The following CTNNA2 variants were observed in gnomAD, a reference collection of about 807,000 sequenced individuals.
CTNNA2 encodes catenin alpha-2.
CTNNA2 carries 42 observed loss-of-function variants against 101.0 expected under a neutral mutation model. The ratio of observed to expected loss-of-function variants is 0.42; its 90% CI spans 0.32 to 0.54. The LOEUF is 0.54. Ranked by LOEUF, CTNNA2 falls within the 20% of genes least tolerant of loss-of-function variation. CTNNA2 has a pLI of 0.14. For synonymous variants in CTNNA2, 450 were observed against 456.4 expected, an observed-to-expected ratio of 0.99 and a Z score of 0.18; for missense variants, 871 against 1,223.1, an observed-to-expected ratio of 0.71 and a Z score of 4.29.
chr2:79,971,255 T>C (rs1442055567), intron 7 of CTNNA2, among the ~76,000 whole-genome samples: 2 of 152,152 alleles, frequency 1.3e-5, no homozygotes, highest in Non-Finnish European at 2.9e-5. Context: ...CACCTTCCAC[T>C]CAAAAATATA....
chr2:79,680,492 T>A (rs1388583336), intron 2 of CTNNA2, among the ~76,000 whole-genome samples: 2 of 152,088 alleles, frequency 1.3e-5, no homozygotes, highest in Non-Finnish European at 2.9e-5. Flanking sequence ...AAGAAAACAT[T>A]GAGTGTATAT....
chr2:80,306,729 G>A (rs943553380), intron 7 of CTNNA2, among the ~76,000 whole-genome samples: 1 of 151,946 alleles, frequency 6.6e-6, no homozygotes, highest in African/African-American at 2.4e-5. Flanking sequence ...CACCCGCAGG[G>A]TTAAACAGCG....
intron 3 of CTNNA2, among the ~76,000 whole-genome samples, chr2:79,332,976 A>T (rs547144630): frequency 6.6e-6 from 1 of 152,312 alleles, no homozygotes; most frequent in South Asian, 2.1e-4. Flanking sequence ...TTATTTCAAC[A>T]AGTTTTATGA....
rs544634997 is a variant in CTNNA2 at position 79,237,123 on chromosome 2, A to G, written c.-406+39047A>G. Among the ~76,000 whole-genome samples, 12 of 152,332 alleles carry G rather than the reference A, an allele frequency of 7.9e-5. No homozygotes were observed. The South Asian group carries it at 1.2e-3, about 16-fold the overall frequency. ...CAGCCTTATGAAATGTATTTTTTAA[A>G]TAGTCAGACCTGAAAGTCAAAATTA... On this transcript the variant is annotated intron_variant, in intron 2 of 21. Coordinates refer to the CTNNA2 transcript ENST00000466387.
At position 80,303,018 on chromosome 2, in the gene CTNNA2, T is replaced by C; in HGVS notation, c.1057-90193T>C. On this transcript the variant is annotated intron_variant, in intron 7 of 18. Coordinates refer to ENST00000402739, the MANE Select transcript of CTNNA2 (RefSeq NM_001282597.3). The surrounding 1 kb of genome is among the most constrained non-coding windows in gnomAD (Gnocchi z 7.7). ...AACACATGGGGCTCCATGTACTCGA[T>C]CTCGTTGCCCGACAAGTCCATTTTC... 1 of 1,613,534 alleles carries C rather than the reference T, an allele frequency of 6.2e-7. No homozygotes were observed. Among genetic ancestry groups the C allele is most frequent in the Non-Finnish European group, 8.5e-7 (1 of 1,179,942 alleles).
At chr2:79,568,637 A>T (rs539284407) in intron 1 of CTNNA2, among the ~76,000 whole-genome samples, 1 of 151,986 alleles carries the variant, frequency 6.6e-6, no homozygotes, top group African/African-American at 2.4e-5. Context: ...AAGAAAAGAA[A>T]AGAACCTTCA....
At chr2:79,798,753 G>A (rs947603101) in intron 3 of CTNNA2, among the ~76,000 whole-genome samples, 1 of 152,064 alleles carries the variant, frequency 6.6e-6, no homozygotes, top group Non-Finnish European at 1.5e-5. Flanking sequence ...AAAAGCATTG[G>A]CACAAATTTC....
chr2:80,363,004 CAAAA>C lies in CTNNA2; in HGVS notation c.1057-30192_1057-30189del, dbSNP rs35779761. On this transcript the variant is annotated intron_variant, in intron 7 of 18. Coordinates refer to ENST00000402739, the MANE Select transcript of CTNNA2 (RefSeq NM_001282597.3). Reference sequence around the variant, plus strand: ...TGGGCAACATAGCAAGACATCGTCTCAAAAAAAAAAAAAAAAAAGTCACAGTAAA... The same window carrying C: ...TGGGCAACATAGCAAGACATCGTCTCAAAAAAAAAAAAAAGTCACAGTAAA... 2.3e-3 allele frequency among the ~76,000 whole-genome samples: 258 copies of C among 114,430 alleles called. 1 individual carries two copies. Among genetic ancestry groups the C allele is most frequent in the African/African-American group, 5.9e-3 (216 of 36,406 alleles). 75.1% of individuals were successfully genotyped at this position (114,430 alleles called of 152,430 possible).
At chr2:80,158,120 A>G (rs1186192909) in intron 7 of CTNNA2, among the ~76,000 whole-genome samples, 3 of 152,200 alleles carry the variant, frequency 2.0e-5, no homozygotes, top group Admixed American at 6.5e-5. Flanking sequence ...TATTGAATGC[A>G]AATGTCAGAA....
At chr2:80,207,425 C>G (rs183303372) in intron 7 of CTNNA2, among the ~76,000 whole-genome samples, 1 of 152,080 alleles carries the variant, frequency 6.6e-6, no homozygotes, top group Non-Finnish European at 1.5e-5. Context: ...CAACTAAAAC[C>G]GCATGGAGAC....
chr2:79,216,585 CA>C (rs1275867935), intron 2 of CTNNA2, among the ~76,000 whole-genome samples: 4 of 149,614 alleles, frequency 2.7e-5, no homozygotes, highest in African/African-American at 7.4e-5. Flanking sequence ...AATAAGGGAT[CA>C]GGGGGTTCTT....
At chr2:80,129,848 G>T (rs999024433) in intron 7 of CTNNA2, among the ~76,000 whole-genome samples, 2 of 152,116 alleles carry the variant, frequency 1.3e-5, no homozygotes, top group Non-Finnish European at 2.9e-5. Context: ...CCCATCTAGT[G>T]CAAGTCTGCA....
chr2:79,847,418 C>G (rs548612840), intron 3 of CTNNA2, among the ~76,000 whole-genome samples: 1 of 151,722 alleles, frequency 6.6e-6, no homozygotes, highest in Non-Finnish European at 1.5e-5. Flanking sequence ...TGGCATGTGC[C>G]TATAATCCCA....
chr2:79,475,367 AG>A (rs978677232), intron 4 of CTNNA2, among the ~76,000 whole-genome samples: 1 of 152,182 alleles, frequency 6.6e-6, no homozygotes, highest in Non-Finnish European at 1.5e-5. Context: ...CCAGGAAAAA[AG>A]GGAAGACAAG....
intron 2 of CTNNA2, among the ~76,000 whole-genome samples, chr2:79,261,229 C>T (rs2104286710): frequency 6.6e-6 from 1 of 152,224 alleles, no homozygotes; most frequent in African/African-American, 2.4e-5. Context: ...ATCCATACTC[C>T]CAGTCTCACC....
At chr2:79,436,888 C>T (rs1475453992) in intron 4 of CTNNA2, among the ~76,000 whole-genome samples, 2 of 152,026 alleles carry the variant, frequency 1.3e-5, no homozygotes, top group African/African-American at 4.8e-5. Context: ...TCCTCGGCCT[C>T]CCAAAGTGCT....
intron 7 of CTNNA2, among the ~76,000 whole-genome samples, chr2:80,170,453 T>C (rs570300702): frequency 2.6e-5 from 4 of 152,282 alleles, no homozygotes; most frequent in East Asian, 3.9e-4. Flanking sequence ...TGGAGCCTGG[T>C]CATTTGGCCT....
At chr2:80,306,400 T>TTTTCTTTTCTTTTCTTTCTTTC (rs1491389570) in intron 7 of CTNNA2, among the ~76,000 whole-genome samples, 11 of 109,266 alleles carry the variant, frequency 1.0e-4, no homozygotes, top group South Asian at 3.3e-4. Context: ...TTTTCTTTTC[T>TTTTCTTTTCTTTTCTTTCTTTC]TTTCTTTCTT....
At chr2:79,993,447 G>A (rs1692321538) in intron 7 of CTNNA2, among the ~76,000 whole-genome samples, 1 of 152,174 alleles carries the variant, frequency 6.6e-6, no homozygotes, top group Non-Finnish European at 1.5e-5. Flanking sequence ...AACCTTGCCA[G>A]GAGTTTCCAA....
Sources: allele counts gnomAD v4.1 joint callset (sites outside exome capture counted in the v4.1 genomes callset), GRCh38; gene constraint gnomAD v4.1.1; non-coding constraint Gnocchi (gnomAD v3.1); transcripts MANE v1.5; gene names NCBI Gene and HGNC (gene_info 2026-07-23, HGNC 2026-07-21).